PPARGC1A: variants seen among roughly 807,000 people sequenced by gnomAD.
PPARGC1A encodes peroxisome proliferator-activated receptor gamma coactivator 1-alpha.
Under a neutral mutation model 88.7 loss-of-function variants are expected in PPARGC1A, and 25 were observed. The observed-to-expected ratio is 0.28, with a 90% CI of 0.21 to 0.39. The LOEUF is 0.39. Among genes scored for constraint, PPARGC1A ranks in the 10% least tolerant of loss-of-function variants. The probability of loss-of-function intolerance (pLI) is 1.00; values close to 1 mark genes in which losing one functional copy is unlikely to be tolerated. For missense variants in PPARGC1A, 880 were observed against 968.7 expected (o/e 0.91, Z 1.22); for synonymous variants, 363 against 355.6 (o/e 1.02, Z -0.24).
the PPARGC1A span, among the ~76,000 whole-genome samples, chr4:24,264,528 C>T: frequency 1.3e-5 from 2 of 152,240 alleles, no homozygotes; most frequent in South Asian, 2.1e-4. Context: ...ATCCTACACT[C>T]GACTCTACCA....
the PPARGC1A span, among the ~76,000 whole-genome samples, chr4:24,398,492 A>G: frequency 6.6e-6 from 1 of 152,016 alleles, no homozygotes; most frequent in Non-Finnish European, 1.5e-5. Context: ...TGATACATAC[A>G]TTATTTGGGA....
At chr4:24,444,931 TAGTCCCAGCTACTCG>T in the PPARGC1A span, among the ~76,000 whole-genome samples, 3 of 152,044 alleles carry the variant, frequency 2.0e-5, no homozygotes, top group African/African-American at 4.8e-5. Context: ...CGCACACCTG[TAGTCCCAGCTACTCG>T]GGAGGCTGAA....
chr4:24,028,808 A>G, the PPARGC1A span, among the ~76,000 whole-genome samples: 2,568 of 152,320 alleles, frequency 0.017, 80 homozygotes, highest in African/African-American at 0.059. Context: ...TCATGACCAG[A>G]TAAGTATGAA....
chr4:23,865,839 G>C (rs1024186107), intron 2 of PPARGC1A, among the ~76,000 whole-genome samples: 2 of 152,166 alleles, frequency 1.3e-5, no homozygotes, highest in African/African-American at 4.8e-5. Flanking sequence ...CTTAAACTTT[G>C]ATGATCAGCA....
At chr4:24,196,083 G>A in the PPARGC1A span, among the ~76,000 whole-genome samples, 4 of 152,240 alleles carry the variant, frequency 2.6e-5, no homozygotes, top group African/African-American at 7.2e-5. Context: ...AATAGAGAGA[G>A]GATTTACTTG....
the PPARGC1A span, among the ~76,000 whole-genome samples, chr4:24,000,441 A>C: frequency 1.3e-5 from 2 of 152,220 alleles, no homozygotes; most frequent in Admixed American, 6.5e-5. Context: ...ACACGTGCTT[A>C]AATAGCACAT....
the PPARGC1A span, among the ~76,000 whole-genome samples, chr4:24,023,183 G>A: frequency 1.3e-5 from 2 of 152,170 alleles, no homozygotes; most frequent in Non-Finnish European, 2.9e-5. Flanking sequence ...GTATTTAAGA[G>A]TACTGACAAA....
At chr4:24,445,435 G>A in the PPARGC1A span, among the ~76,000 whole-genome samples, 3 of 152,156 alleles carry the variant, frequency 2.0e-5, no homozygotes, top group African/African-American at 7.2e-5. Flanking sequence ...CAACCAGATT[G>A]TCAGTACTGG....
the PPARGC1A span, among the ~76,000 whole-genome samples, chr4:24,218,955 T>A: frequency 6.6e-6 from 1 of 152,220 alleles, no homozygotes. Context: ...GAGATGCACA[T>A]TCATAAGGTC....
chr4:23,990,672 G>T, the PPARGC1A span, among the ~76,000 whole-genome samples: 9 of 127,798 alleles, frequency 7.0e-5, no homozygotes, highest in African/African-American at 2.5e-4. Context: ...ACTCAGGGGT[G>T]TATGCAGCCA....
chr4:24,463,891 G>C, the PPARGC1A span, among the ~76,000 whole-genome samples: 6 of 152,314 alleles, frequency 3.9e-5, no homozygotes, highest in African/African-American at 1.4e-4. Context: ...CATTTTGACT[G>C]TTTGCTTCTT....
At chr4:23,981,365 G>C in the PPARGC1A span, among the ~76,000 whole-genome samples, 24 of 152,158 alleles carry the variant, frequency 1.6e-4, no homozygotes, top group South Asian at 4.4e-3. Flanking sequence ...TTTCAACTTA[G>C]ATAACAAAGT....
chr4:24,346,350 G>T, the PPARGC1A span, among the ~76,000 whole-genome samples: 1 of 152,108 alleles, frequency 6.6e-6, no homozygotes, highest in Non-Finnish European at 1.5e-5. Flanking sequence ...GTGTCAAAAG[G>T]ATTGGTAACA....
At chr4:24,378,273 G>C in the PPARGC1A span, among the ~76,000 whole-genome samples, 1 of 152,116 alleles carries the variant, frequency 6.6e-6, no homozygotes, top group Non-Finnish European at 1.5e-5. Context: ...GGAGGCAGAG[G>C]CTACAGTGAG....
the PPARGC1A span, among the ~76,000 whole-genome samples, chr4:24,133,185 C>T: frequency 1.3e-5 from 2 of 152,092 alleles, no homozygotes; most frequent in South Asian, 4.1e-4. Flanking sequence ...TGGTTTCCCC[C>T]CTGGGGGGTG....
At chr4:24,359,279 C>A in the PPARGC1A span, among the ~76,000 whole-genome samples, 2 of 152,162 alleles carry the variant, frequency 1.3e-5, no homozygotes, top group Non-Finnish European at 2.9e-5. Flanking sequence ...CTAGAGCATC[C>A]CAGGCTCAGT....
chr4:24,157,669 T>G, the PPARGC1A span, among the ~76,000 whole-genome samples: 3 of 152,132 alleles, frequency 2.0e-5, no homozygotes, highest in South Asian at 6.2e-4. Flanking sequence ...GAGTCAGTCC[T>G]GTTTTTTCTC....
chr4:23,910,107 GTA>G, the PPARGC1A span, among the ~76,000 whole-genome samples: 4 of 130,896 alleles, frequency 3.1e-5, no homozygotes, highest in African/African-American at 8.6e-5. Context: ...ACATATATAT[GTA>G]TATGTGTGTG....
At position 23,888,524 on chromosome 4, in the gene PPARGC1A, G is replaced by A. The variant is rs556586925; in HGVS notation, c.54+1380C>T. Reference sequence around the variant, plus strand: ...ACTCAAAGGCAATTAGGACTTTGAAGCCACTTATAACCCTGACTCATAATG... The same window carrying A: ...ACTCAAAGGCAATTAGGACTTTGAAACCACTTATAACCCTGACTCATAATG... On this transcript the variant is annotated intron_variant, in intron 1 of 12. Coordinates refer to ENST00000264867, the MANE Select transcript of PPARGC1A (RefSeq NM_013261.5). Among the ~76,000 whole-genome samples the A allele has an allele frequency of 6.7e-4, 102 of 152,272 alleles. 1 individual carries two copies. Among genetic ancestry groups the A allele is most frequent in the Admixed American group, 2.5e-3 (38 of 15,284 alleles).
Sources: allele counts gnomAD v4.1 joint callset (sites outside exome capture counted in the v4.1 genomes callset), GRCh38; gene constraint gnomAD v4.1.1; transcripts MANE v1.5; gene names NCBI Gene and HGNC (gene_info 2026-07-23, HGNC 2026-07-21).